Variants in GSE1 observed in about 807,000 individuals in gnomAD.
The protein encoded by GSE1 is genetic suppressor element 1.
In GSE1, 32 loss-of-function variants were observed where a neutral mutation model predicts 112.6. That is an observed-to-expected ratio of 0.28 (90% CI 0.21 to 0.38). GSE1 has a LOEUF of 0.38. Among genes scored for constraint, GSE1 ranks in the 10% least tolerant of loss-of-function variants. GSE1 has a pLI of 1.00. For missense variants in GSE1, 2,348 were observed against 1,699.2 expected, an observed-to-expected ratio of 1.38 and a Z score of -6.71; for synonymous variants, 1,115 against 735.6, an observed-to-expected ratio of 1.52 and a Z score of -8.35.
chr16:85,374,442 T>A (rs951865528), intron 2 of GSE1, among the ~76,000 whole-genome samples: 2 of 152,012 alleles, frequency 1.3e-5, no homozygotes, highest in African/African-American at 4.8e-5. Context: ...TGTCTGTGTC[T>A]GTGTCCATGT....
chr16:85,555,964 A>G, upstream of GSE1: 1 of 972,378 alleles, frequency 1.0e-6, no homozygotes, highest in Non-Finnish European at 1.2e-6. Flanking sequence ...CCTTTTTTTT[A>G]TTTGCATCTC....
At chr16:85,364,294 C>T (rs929645818) in intron 2 of GSE1, among the ~76,000 whole-genome samples, 4 of 152,216 alleles carry the variant, frequency 2.6e-5, no homozygotes, top group Non-Finnish European at 5.9e-5. Context: ...TCCTGCCCCC[C>T]TCTCCTACTT....
chr16:85,351,174 A>G (rs1445438254), intron 1 of GSE1, among the ~76,000 whole-genome samples: 3 of 152,134 alleles, frequency 2.0e-5, no homozygotes, highest in Admixed American at 6.5e-5. Context: ...AGGCCGGGAG[A>G]TGGAATCTGG....
chr16:85,484,887 C>A (rs2050784726), intron 2 of GSE1, among the ~76,000 whole-genome samples: 2 of 152,356 alleles, frequency 1.3e-5, no homozygotes, highest in South Asian at 4.1e-4. Context: ...CTGTGATGGC[C>A]ATGTGGGTGC....
chr16:85,665,726 G>GA (rs2052794799), intron 12 of GSE1, among the ~76,000 whole-genome samples: 2 of 152,218 alleles, frequency 1.3e-5, no homozygotes, highest in African/African-American at 4.8e-5. Context: ...GTGGCTGGGG[G>GA]ACTTCCTTCT....
chr16:85,410,302 T>C (rs199818747), intron 2 of GSE1, among the ~76,000 whole-genome samples: 230 of 12,326 alleles, frequency 0.019, 9 homozygotes, highest in Middle Eastern at 0.062. Flanking sequence ...CAGGGCCCCC[T>C]GGATAATCCT....
intron 1 of GSE1, among the ~76,000 whole-genome samples, chr16:85,219,195 G>T (rs1380147857): frequency 1.3e-5 from 2 of 151,658 alleles, no homozygotes; most frequent in South Asian, 4.2e-4. Flanking sequence ...TGTATTTTTA[G>T]TAGACACAGG....
Position 85,411,114 on chromosome 16 carries a change from C to T in GSE1, c.2464+53471C>T, listed in dbSNP as rs74783189. Among the ~76,000 whole-genome samples, 9 of 126,486 alleles carry T rather than the reference C, an allele frequency of 7.1e-5. 1 individual carries two copies. Among genetic ancestry groups the T allele is most frequent in the African/African-American group, 2.3e-4 (6 of 26,166 alleles). 83.0% of individuals were successfully genotyped at this position (126,486 alleles called of 152,430 possible). On this transcript the variant is annotated intron_variant, in intron 2 of 2. Coordinates refer to the GSE1 transcript ENST00000637419. Reference sequence around the variant, plus strand: ...TAATCCTCACTGTTACACTCAGGCCCCCCGGATAATCCTCACCGTTACACT... The same window carrying T: ...TAATCCTCACTGTTACACTCAGGCCTCCCGGATAATCCTCACCGTTACACT...
chr16:85,293,274 G>A (rs1028123888), intron 1 of GSE1, among the ~76,000 whole-genome samples: 3 of 152,126 alleles, frequency 2.0e-5, no homozygotes, highest in Non-Finnish European at 4.4e-5. Flanking sequence ...GGCCTGGCAC[G>A]GTGGCTCACA....
At chr16:85,371,179 G>T (rs1190749982) in intron 2 of GSE1, among the ~76,000 whole-genome samples, 8 of 152,208 alleles carry the variant, frequency 5.3e-5, no homozygotes, top group Admixed American at 2.6e-4. Context: ...CGAGGCCACC[G>T]CTGCTCCTCG....
chr16:85,506,884 T>G lies in GSE1; in HGVS notation c.2465-127030T>G, dbSNP rs1368967015. On this transcript the variant is annotated intron_variant, in intron 2 of 2. Transcript: ENST00000637419. ...ACAGTGCCAGCAACCCAGCAATCGCTCAGCCACCCTCCCCTGTTGAGCCAG... is the reference window on the plus strand; with the variant it reads ...ACAGTGCCAGCAACCCAGCAATCGCGCAGCCACCCTCCCCTGTTGAGCCAG... 2.0e-5 allele frequency among the ~76,000 whole-genome samples: 3 copies of G among 152,042 alleles called. No homozygotes were observed. In the East Asian group the frequency reaches 5.8e-4, roughly 29 times the overall value.
At chr16:85,366,671 C>T (rs1050378378) in intron 2 of GSE1, among the ~76,000 whole-genome samples, 4 of 152,218 alleles carry the variant, frequency 2.6e-5, no homozygotes, top group African/African-American at 9.7e-5. Flanking sequence ...TGGTTTCCCT[C>T]AGCTGGTTCC....
exon 2 of GSE1, chr16:85,357,623 G>T: frequency 7.8e-7 from 1 of 1,289,030 alleles, no homozygotes. Flanking sequence ...GAGGAGGACG[G>T]ACCAGACCTT....
intron 1 of GSE1, among the ~76,000 whole-genome samples, chr16:85,232,047 C>A (rs534379992): frequency 5.9e-5 from 9 of 152,326 alleles, no homozygotes; most frequent in Non-Finnish European, 7.4e-5. Flanking sequence ...CAGGCTCACT[C>A]CCCCACAGTG....
At chr16:85,567,040 ACCCCC>A (rs1567597073) in intron 1 of GSE1, among the ~76,000 whole-genome samples, 2 of 108,134 alleles carry the variant, frequency 1.8e-5, no homozygotes, top group East Asian at 7.6e-4. Flanking sequence ...TCCCGCCCCC[ACCCCC>A]ACCCCCACCC....
Position 85,675,977 on chromosome 16 carries a change from T to C in GSE1, c.*3438T>C, listed in dbSNP as rs1253345612. 3.3e-5 allele frequency: 5 copies of C among 152,650 alleles called. No individual in the cohort carries two copies. The highest frequency in any genetic ancestry group is 3.3e-4 in the Admixed American group (5 of 15,290). 9.5% of individuals were successfully genotyped at this position (152,650 alleles called of 1,614,324 possible). ...GTGTTATTTTGTATGTACCCTGTGC[T>C]TAATTCTATAACAGTAAACCCCATA... On this transcript the variant is annotated 3_prime_UTR_variant, in exon 16 of 16. Transcript: ENST00000253458.
intron 2 of GSE1, among the ~76,000 whole-genome samples, chr16:85,455,596 T>C (rs927510837): frequency 3.3e-5 from 5 of 152,132 alleles, no homozygotes; most frequent in African/African-American, 1.2e-4. Context: ...GGACCCCGAT[T>C]ATCTGGGCTG....
chr16:85,510,479 G>A (rs2051705607), intron 2 of GSE1, among the ~76,000 whole-genome samples: 1 of 152,246 alleles, frequency 6.6e-6, no homozygotes, highest in African/African-American at 2.4e-5. Flanking sequence ...CCGCCTTGGC[G>A]GGGGCACACC....
In GSE1 at chr16:85,298,727, G is replaced by A. The variant is rs138531753; in HGVS notation, c.2284-58736G>A. ...CAGGCGTGAGCCACTGCACCTGGCC[G>A]AGACCTCATAATATTTTTAAAGAAA... is the stretch of plus-strand genomic sequence containing the variant. On this transcript the variant is annotated intron_variant, in intron 1 of 2. Transcript: ENST00000637419. Among the ~76,000 whole-genome samples the A allele has an allele frequency of 3.3e-5, 5 of 152,308 alleles. No homozygotes were observed. The East Asian group carries it at 9.6e-4, about 29-fold the overall frequency.
Sources: allele counts gnomAD v4.1 joint callset (sites outside exome capture counted in the v4.1 genomes callset), GRCh38; gene constraint gnomAD v4.1.1; transcripts MANE v1.5; gene names NCBI Gene and HGNC (gene_info 2026-07-23, HGNC 2026-07-21).